Variants in KIF13A observed in about 807,000 individuals in gnomAD.
KIF13A encodes kinesin family member 13A.
KIF13A carries 79 observed loss-of-function variants against 212.2 expected under a neutral mutation model. That is an observed-to-expected ratio of 0.37 (90% CI 0.31 to 0.45). The LOEUF (loss-of-function observed/expected upper bound fraction) is 0.45, where lower values mean the gene tolerates loss of function less well. KIF13A is among the 20% of genes least tolerant of loss of function. KIF13A has a pLI of 1.00. For synonymous variants in KIF13A, 789 were observed against 808.6 expected (o/e 0.98, Z 0.41); for missense variants, 1,901 against 2,209.0 (o/e 0.86, Z 2.79).
chr6:17,827,768 T>C (rs1306400413), intron 14 of KIF13A, among the ~76,000 whole-genome samples: 3 of 151,148 alleles, frequency 2.0e-5, no homozygotes, highest in African/African-American at 7.3e-5. Context: ...GCAATACTCC[T>C]GCCTCAGCCT....
chr6:17,796,015 G>A (rs1338661400), intron 23 of KIF13A, among the ~76,000 whole-genome samples: 1 of 152,108 alleles, frequency 6.6e-6, no homozygotes, highest in Non-Finnish European at 1.5e-5. Context: ...AGATGTAGTT[G>A]TTTCAGTCTC....
rs572545420 is a variant in KIF13A, at chr6:17,895,636, G to A, written c.159+2532C>T. Among the ~76,000 whole-genome samples the A allele has an allele frequency of 3.3e-5, 5 of 152,304 alleles. No homozygotes were observed. The highest frequency in any genetic ancestry group is 2.1e-4 in the South Asian group (1 of 4,828). On this transcript the variant is annotated intron_variant, in intron 3 of 38. Coordinates refer to ENST00000259711, the MANE Select transcript of KIF13A (RefSeq NM_022113.6). This position sits in a 1 kb window ranked among gnomAD's most constrained non-coding sequence, Gnocchi z 4.4. The stretch of plus-strand genomic sequence containing the variant: ...CACCTCTGGAAGGACTTGAACTCCA[G>A]TACTTTGTCCTCCTCAGCCCCACAA...
chr6:17,941,253 A>G (rs1390105792), intron 2 of KIF13A, among the ~76,000 whole-genome samples: 1 of 152,226 alleles, frequency 6.6e-6, no homozygotes, highest in African/African-American at 2.4e-5. Flanking sequence ...GATTTAAAAT[A>G]GCCTGGTGCT....
Position 17,800,067 on chromosome 6 carries a change from A to T in KIF13A, c.2501T>A (p.Val834Asp). Residue 834 changes from valine (V) to aspartate (D), a missense_variant, in exon 21 of 39, where the codon GTT (valine) becomes GAT (aspartate). By Grantham distance (152) the Val-to-Asp change is radical. This residue lies in a region of KIF13A where 534 missense variants were observed against 536.9 expected (regional missense o/e 0.99). Transcript: ENST00000259711. ...HVEVMRVTGA[V>D]PERVVEDDSS... ...GTCATCCTCCACCACACGCTCTGGAACAGCTCCTGTAACACGCATCACTTC... is the reference window on the plus strand; with the variant it reads ...GTCATCCTCCACCACACGCTCTGGATCAGCTCCTGTAACACGCATCACTTC... 6.2e-7 allele frequency: 1 copy of T among 1,613,986 alleles called. No individual in the cohort carries two copies. The highest frequency in any genetic ancestry group is 8.5e-7 in the Non-Finnish European group (1 of 1,179,884).
chr6:17,885,021 A>T (rs1046142088), intron 3 of KIF13A, among the ~76,000 whole-genome samples: 1 of 152,110 alleles, frequency 6.6e-6, no homozygotes, highest in African/African-American at 2.4e-5. Flanking sequence ...AAAGTTCTAG[A>T]TTTCACTTCA....
intron 2 of KIF13A, among the ~76,000 whole-genome samples, chr6:17,941,869 T>C (rs1195068439): frequency 6.6e-6 from 1 of 151,988 alleles, no homozygotes; most frequent in Non-Finnish European, 1.5e-5. Flanking sequence ...GGATGGGTTG[T>C]ATATACTATT....
intron 2 of KIF13A, among the ~76,000 whole-genome samples, chr6:17,923,453 T>C (rs1775251237): frequency 6.6e-6 from 1 of 151,738 alleles, no homozygotes; most frequent in Non-Finnish European, 1.5e-5. Context: ...TCAGTAAGTC[T>C]TCACAATTAA....
chr6:17,811,646 C>T lies in KIF13A; in HGVS notation c.2001-2716G>A, dbSNP rs1763431497. Among the ~76,000 whole-genome samples, 1 of 152,164 alleles carries T rather than the reference C, an allele frequency of 6.6e-6. No homozygotes were observed. Among genetic ancestry groups the T allele is most frequent in the Non-Finnish European group, 1.5e-5 (1 of 68,034 alleles). Reference sequence around the variant, plus strand: ...GTAAGAGTCCTTCATTATTTCACAACCCATCAACAATTTACTTAGGTAAGA... The same window carrying T: ...GTAAGAGTCCTTCATTATTTCACAATCCATCAACAATTTACTTAGGTAAGA... On this transcript the variant is annotated intron_variant, in intron 17 of 38. Transcript: ENST00000259711. The surrounding 1 kb of genome is among the most constrained non-coding windows in gnomAD (Gnocchi z 6.0).
At chr6:17,946,542 G>A (rs747993148) in intron 2 of KIF13A, among the ~76,000 whole-genome samples, 12 of 151,974 alleles carry the variant, frequency 7.9e-5, no homozygotes, top group African/African-American at 1.2e-4. Flanking sequence ...AAGATGTTCC[G>A]TTGCACTTTT....
intron 3 of KIF13A, among the ~76,000 whole-genome samples, chr6:17,877,020 T>C (rs898027601): frequency 1.3e-5 from 2 of 152,062 alleles, no homozygotes; most frequent in Non-Finnish European, 2.9e-5. Context: ...CTGCAATGTT[T>C]ATAGTAGTCA....
At chr6:17,875,465 T>C (rs1562085032) in intron 3 of KIF13A, among the ~76,000 whole-genome samples, 1 of 151,034 alleles carries the variant, frequency 6.6e-6, no homozygotes, top group African/African-American at 2.4e-5. Flanking sequence ...CCTTTTTTTT[T>C]TTTTTTTGAG....
chr6:17,761,158 AC>A (rs1272812601), downstream of KIF13A, among the ~76,000 whole-genome samples: 1 of 152,228 alleles, frequency 6.6e-6, no homozygotes, highest in African/African-American at 2.4e-5. Flanking sequence ...AGGGGTTTGA[AC>A]AAAGTCAAAC....
Position 17,918,945 on chromosome 6 carries a change from G to T in KIF13A, c.147-20765C>A, listed in dbSNP as rs1056768246. Among the ~76,000 whole-genome samples the T allele has an allele frequency of 6.6e-6, 1 of 152,142 alleles. No individual in the cohort carries two copies. Among genetic ancestry groups the T allele is most frequent in the Admixed American group, 6.5e-5 (1 of 15,268 alleles). ...GGATCTGACAGTTATAAGATCCACG[G>T]AAAGAGAGGCTTTGTCTATCTTGTT... is the stretch of plus-strand genomic sequence containing the variant. On this transcript the variant is annotated intron_variant, in intron 2 of 38. Coordinates refer to ENST00000259711, the MANE Select transcript of KIF13A (RefSeq NM_022113.6). The surrounding 1 kb of genome is among the most constrained non-coding windows in gnomAD (Gnocchi z 4.8).
chr6:17,828,460 A>T lies in KIF13A; in HGVS notation c.1402-90T>A. 1.9e-6 allele frequency: 2 copies of T among 1,076,466 alleles called. No individual in the cohort carries two copies. The highest frequency in any genetic ancestry group is 3.5e-5 in the South Asian group (2 of 57,702). 66.7% of individuals were successfully genotyped at this position (1,076,466 alleles called of 1,614,324 possible). A position where few individuals can be genotyped will look rare whatever the true frequency, so the allele number is the denominator to read the frequency against. On this transcript the variant is annotated intron_variant, in intron 13 of 38. Coordinates refer to ENST00000259711, the MANE Select transcript of KIF13A (RefSeq NM_022113.6). This position sits in a 1 kb window ranked among gnomAD's most constrained non-coding sequence, Gnocchi z 4.3. ...CAATCAATTTGAATAACGCAGCAGC[A>T]TATGCACAAAAATATTAAACGAATC...
intron 18 of KIF13A, among the ~76,000 whole-genome samples, chr6:17,807,812 C>T (rs1016086677): frequency 6.6e-6 from 1 of 152,300 alleles, no homozygotes; most frequent in Admixed American, 6.5e-5. Context: ...GGCGGCCCAG[C>T]TGTAAAATTC....
At chr6:17,945,973 G>A (rs1777357421) in intron 2 of KIF13A, among the ~76,000 whole-genome samples, 1 of 152,134 alleles carries the variant, frequency 6.6e-6, no homozygotes, top group South Asian at 2.1e-4. Flanking sequence ...TCTTGATGGG[G>A]CGAAATTAAT....
At chr6:17,807,578 C>G (rs752799974) in intron 18 of KIF13A, among the ~76,000 whole-genome samples, 1 of 144,846 alleles carries the variant, frequency 6.9e-6, no homozygotes, top group Non-Finnish European at 1.6e-5. Flanking sequence ...GAACATAGAC[C>G]CTTATCAGTG....
chr6:17,771,074 CA>C lies in KIF13A; in HGVS notation c.4581+39del. The C allele has an allele frequency of 7.3e-7, 1 of 1,370,098 alleles. No individual in the cohort carries two copies. The highest frequency in any genetic ancestry group is 1.0e-6 in the Non-Finnish European group (1 of 970,048). 84.9% of individuals were successfully genotyped at this position (1,370,098 alleles called of 1,614,324 possible). ...ATTGTCTGTGAAAGGGCCTTAAACCCACCACCAGGCAATATGACAGAAATGG... is the reference window on the plus strand; with the variant it reads ...ATTGTCTGTGAAAGGGCCTTAAACCCCCACCAGGCAATATGACAGAAATGG... On this transcript the variant is annotated intron_variant, in intron 38 of 38. Transcript: ENST00000259711. This position sits in a 1 kb window ranked among gnomAD's most constrained non-coding sequence, Gnocchi z 5.4.
At chr6:17,831,810 G>A (rs1459502751) in intron 12 of KIF13A, among the ~76,000 whole-genome samples, 2 of 150,688 alleles carry the variant, frequency 1.3e-5, no homozygotes, top group African/African-American at 4.9e-5. Context: ...TACTGCGGAA[G>A]GCCTTGTATT....
Sources: gnomAD v4.1 joint callset for allele counts (sites outside exome capture counted in the v4.1 genomes callset) on GRCh38, gnomAD v4.1.1 for gene constraint, gnomAD v4.1.1 regional missense constraint, Gnocchi (gnomAD v3.1) non-coding constraint, MANE v1.5 for transcripts, NCBI Gene and HGNC (gene_info 2026-07-23, HGNC 2026-07-21) for gene names.